The following LINGO2 variants were observed in gnomAD, a reference collection of about 807,000 sequenced individuals.
LINGO2 encodes the protein leucine rich repeat and Ig domain containing 2.
LINGO2 carries 14 observed loss-of-function variants against 30.6 expected under a neutral mutation model. The ratio of observed to expected loss-of-function variants is 0.46; its 90% CI spans 0.30 to 0.72. The LOEUF (loss-of-function observed/expected upper bound fraction) is 0.72. Among genes scored for constraint, LINGO2 ranks in the 30% least tolerant of loss-of-function variants. LINGO2 has a pLI of 0.07. For missense variants in LINGO2, 729 were observed against 751.7 expected, an observed-to-expected ratio of 0.97 and a Z score of 0.35; for synonymous variants, 317 against 288.5, an observed-to-expected ratio of 1.10 and a Z score of -1.00.
chr9:29,212,650 C>T, the LINGO2 span, among the ~76,000 whole-genome samples: 3 of 152,158 alleles, frequency 2.0e-5, no homozygotes, highest in Non-Finnish European at 4.4e-5. Flanking sequence ...AACCCAAATC[C>T]ACGCTGTATA....
chr9:28,057,938 C>T (rs187048437), intron 4 of LINGO2, among the ~76,000 whole-genome samples: 1 of 152,214 alleles, frequency 6.6e-6, no homozygotes, highest in Admixed American at 6.5e-5. Flanking sequence ...GCAGATACCA[C>T]ACTGCATGAT....
chr9:29,194,474 G>GT, the LINGO2 span, among the ~76,000 whole-genome samples: 1 of 152,194 alleles, frequency 6.6e-6, no homozygotes, highest in Non-Finnish European at 1.5e-5. Context: ...TGCATCAACT[G>GT]TAAGTACAGT....
At position 28,179,252 on chromosome 9, in the gene LINGO2, C is replaced by T. The variant is rs1288113658; in HGVS notation, c.-87+115956G>A. Among the ~76,000 whole-genome samples the T allele has an allele frequency of 6.4e-5, 6 of 94,244 alleles. No individual in the cohort carries two copies. In the East Asian group the frequency reaches 2.4e-3, roughly 38 times the overall value. The allele number at this position is 94,244 out of a possible 152,430, so 61.8% of individuals were successfully genotyped here. A position where few individuals can be genotyped will look rare whatever the true frequency, so the allele number is the denominator to read the frequency against. On this transcript the variant is annotated intron_variant, in intron 4 of 5. Transcript: ENST00000379992. ...TAGTTTCAACTCATTTTCTTTAATA[C>T]TATATAGATACTATATATAAAAATA...
At chr9:28,785,311 C>A in the LINGO2 span, among the ~76,000 whole-genome samples, 3 of 152,084 alleles carry the variant, frequency 2.0e-5, no homozygotes, top group African/African-American at 7.2e-5. Context: ...TAGGCATATG[C>A]CTATCCTGCA....
At chr9:28,527,395 A>G (rs565678897) in intron 1 of LINGO2, among the ~76,000 whole-genome samples, 20 of 152,182 alleles carry the variant, frequency 1.3e-4, no homozygotes, top group Non-Finnish European at 2.8e-4. Flanking sequence ...CAGGGGATGC[A>G]GAGGTAAAGA....
At chr9:28,709,897 A>G in the LINGO2 span, among the ~76,000 whole-genome samples, 1 of 151,970 alleles carries the variant, frequency 6.6e-6, no homozygotes, top group African/African-American at 2.4e-5. Flanking sequence ...ATGAAGGGCT[A>G]TTGCACCTAT....
intron 4 of LINGO2, among the ~76,000 whole-genome samples, chr9:28,209,033 A>G (rs777483101): frequency 6.6e-6 from 1 of 152,006 alleles, no homozygotes; most frequent in Non-Finnish European, 1.5e-5. Context: ...TGTGTTCCGT[A>G]TGTCATATTT....
At position 27,957,912 on chromosome 9, in the gene LINGO2, GAC is replaced by G. The variant is rs200909232; in HGVS notation, c.-35-7208_-35-7207del. On this transcript the variant is annotated intron_variant, in intron 5 of 5. Coordinates refer to ENST00000379992, the Ensembl canonical transcript of LINGO2. The stretch of plus-strand genomic sequence containing the variant: ...AAATATTTTGTCATCTAGAAATAAA[GAC>G]AGTTTCATTCTTTCCTTTCTGATTT... Among the ~76,000 whole-genome samples, 1,038 of 152,252 alleles carry G rather than the reference GAC, an allele frequency of 6.8e-3. 15 individuals carry two copies. The highest frequency in any genetic ancestry group is 0.023 in the African/African-American group (976 of 41,554).
chr9:28,117,812 G>A (rs1181109481), intron 4 of LINGO2, among the ~76,000 whole-genome samples: 1 of 151,476 alleles, frequency 6.6e-6, no homozygotes, highest in Non-Finnish European at 1.5e-5. Context: ...CCACTGTCTG[G>A]CACTCCCTAG....
intron 4 of LINGO2, among the ~76,000 whole-genome samples, chr9:28,141,073 A>T (rs1827658205): frequency 6.6e-6 from 1 of 152,176 alleles, no homozygotes; most frequent in Admixed American, 6.5e-5. Flanking sequence ...GAGTATCCTG[A>T]TGCAGAAAAT....
At chr9:28,777,869 T>A in the LINGO2 span, among the ~76,000 whole-genome samples, 5 of 152,314 alleles carry the variant, frequency 3.3e-5, no homozygotes, top group Admixed American at 2.6e-4. Flanking sequence ...AGGTATTAAA[T>A]CCTTTTTTAT....
chr9:29,206,804 C>T, the LINGO2 span, among the ~76,000 whole-genome samples: 69 of 152,122 alleles, frequency 4.5e-4, 1 homozygote, highest in African/African-American at 1.6e-3. Flanking sequence ...CCATGATATC[C>T]TGAATATCAA....
chr9:28,731,551 G>A, the LINGO2 span, among the ~76,000 whole-genome samples: 3 of 152,144 alleles, frequency 2.0e-5, no homozygotes, highest in Admixed American at 6.6e-5. Context: ...AAGAGAGTTG[G>A]TGAGTGCGGT....
At chr9:28,022,398 TTC>T (rs1251695382) in intron 4 of LINGO2, among the ~76,000 whole-genome samples, 15 of 152,228 alleles carry the variant, frequency 9.9e-5, no homozygotes, top group Admixed American at 2.6e-4. Context: ...TCCTTATTCC[TTC>T]TGTTACACTC....
At chr9:28,315,089 C>A (rs1055186424) in intron 3 of LINGO2, among the ~76,000 whole-genome samples, 3 of 151,138 alleles carry the variant, frequency 2.0e-5, no homozygotes, top group Non-Finnish European at 2.9e-5. Context: ...TCTAATAATT[C>A]CCAAACGATC....
chr9:29,103,760 C>T, the LINGO2 span, among the ~76,000 whole-genome samples: 292 of 152,208 alleles, frequency 1.9e-3, 1 homozygote, highest in African/African-American at 6.7e-3. Flanking sequence ...TTATGACACA[C>T]AGTCAGACCC....
At chr9:28,922,131 T>C in the LINGO2 span, among the ~76,000 whole-genome samples, 1 of 152,326 alleles carries the variant, frequency 6.6e-6, no homozygotes, top group Non-Finnish European at 1.5e-5. Context: ...CTTTCATTAC[T>C]ATTTCTCAAG....
At chr9:28,189,261 AAGGGAGGGAGGAAGGG>A (rs1564028578) in intron 4 of LINGO2, among the ~76,000 whole-genome samples, 5 of 85,794 alleles carry the variant, frequency 5.8e-5, no homozygotes, top group African/African-American at 9.7e-5. Flanking sequence ...GGGAGGAAGG[AAGGGAGGGAGGAAGGG>A]AGGGAGGGAG....
At chr9:28,932,196 T>A in the LINGO2 span, among the ~76,000 whole-genome samples, 1 of 151,344 alleles carries the variant, frequency 6.6e-6, no homozygotes, top group Admixed American at 6.6e-5. Flanking sequence ...GCAATATGAC[T>A]AATTTTCATG....
Sources: gnomAD v4.1 joint callset for allele counts (sites outside exome capture counted in the v4.1 genomes callset) on GRCh38, gnomAD v4.1.1 for gene constraint, MANE v1.5 for transcripts, NCBI Gene and HGNC (gene_info 2026-07-23, HGNC 2026-07-21) for gene names.